The following SMG5 variants were observed in gnomAD, a reference collection of about 807,000 sequenced individuals.
SMG5 encodes the protein nonsense-mediated mRNA decay factor SMG5.
A neutral mutation model predicts 122.9 loss-of-function variants in SMG5; 53 were observed. The observed-to-expected ratio is 0.43, with a 90% CI of 0.35 to 0.54. The LOEUF is 0.54. SMG5 is among the 20% of genes least tolerant of loss of function. The probability of loss-of-function intolerance (pLI) is 0.01; values close to 1 mark genes in which losing one functional copy is unlikely to be tolerated. For synonymous variants in SMG5, 477 were observed against 490.2 expected (o/e 0.97, Z 0.35); for missense variants, 1,153 against 1,285.6 (o/e 0.90, Z 1.58).
At chr1:156,277,391 T>G (rs1017001109) in intron 3 of SMG5, 150 bp from the exon 4 acceptor site, 13 of 883,966 alleles carry the variant, frequency 1.5e-5, no homozygotes, top group Non-Finnish European at 1.8e-5. Flanking sequence ...GCTCTAACTC[T>G]CTGATCTTTC....
At chr1:156,291,008 C>CG in the SMG5 span, 3 of 226,594 alleles carry the variant, frequency 1.3e-5, no homozygotes, top group South Asian at 8.1e-5. Context: ...GGTGTGGTGG[C>CG]CCGCATCTGT....
chr1:156,283,253 G>A (rs1323719777), upstream of SMG5, among the ~76,000 whole-genome samples: 1 of 152,218 alleles, frequency 6.6e-6, no homozygotes, highest in Non-Finnish European at 1.5e-5. Flanking sequence ...TCCTTGGAAA[G>A]GGCCGAGCAT....
At chr1:156,283,624 T>A (rs946224840), upstream of SMG5, among the ~76,000 whole-genome samples, 6 of 152,054 alleles carry the variant, frequency 3.9e-5, no homozygotes. Context: ...AAAGCAAGGG[T>A]GGTTTGTTTT....
At chr1:156,282,451 A>G (rs914380087) in intron 1 of SMG5, among the ~76,000 whole-genome samples, 156 bp downstream of exon 1, 1 of 151,872 alleles carries the variant, frequency 6.6e-6, no homozygotes, top group Admixed American at 6.6e-5. Flanking sequence ...TTCCATCCCG[A>G]GTTACTACGG....
chr1:156,270,745 C>T (rs1259456258), intron 7 of SMG5, among the ~76,000 whole-genome samples: 19 of 152,282 alleles, frequency 1.2e-4, no homozygotes, highest in African/African-American at 3.6e-4. Context: ...CGGTGGCTCA[C>T]GCCTGTAATC....
intron 4 of SMG5, among the ~76,000 whole-genome samples, chr1:156,276,410 A>T (rs544384397): frequency 6.6e-6 from 1 of 152,318 alleles, no homozygotes; most frequent in African/African-American, 2.4e-5. Context: ...TACAGGCATG[A>T]GCCACCGTGC....
intron 2 of SMG5, among the ~76,000 whole-genome samples, chr1:156,278,349 G>A (rs186648754): frequency 3.3e-5 from 5 of 150,214 alleles, no homozygotes; most frequent in East Asian, 3.9e-4. Flanking sequence ...CAGTATGGCC[G>A]ACTCCCTTGA....
intron 1 of SMG5, among the ~76,000 whole-genome samples, chr1:156,279,834 A>G (rs1201394325): frequency 6.6e-6 from 1 of 152,174 alleles, no homozygotes; most frequent in Admixed American, 6.5e-5. Context: ...TGAAGGAATT[A>G]TTTGTTGAAC....
chr1:156,264,882 C>T (rs142511385), intron 12 of SMG5, among the ~76,000 whole-genome samples: 1,877 of 152,042 alleles, frequency 0.012, 19 homozygotes, highest in Non-Finnish European at 0.022. Context: ...AAAAATTAGC[C>T]GGGCATGGTG....
upstream of SMG5, chr1:156,285,994 G>A: frequency 6.3e-7 from 1 of 1,591,092 alleles, no homozygotes; most frequent in Non-Finnish European, 8.6e-7. Context: ...GTGAGCCTGT[G>A]AGAAGAAAGG....
intron 12 of SMG5, among the ~76,000 whole-genome samples, chr1:156,263,991 C>T (rs1233740891): frequency 6.6e-6 from 1 of 152,042 alleles, no homozygotes; most frequent in South Asian, 2.1e-4. Flanking sequence ...ACTTTCAGGC[C>T]GGGCGTGGTG....
Position 156,252,956 on chromosome 1 carries a change from G to A in SMG5, c.2625C>T (p.Ala875=), listed in dbSNP as rs756016354. ...TGATGACAATGAAGCGGCCACTGGT[G>A]GCCAGTTGGCGGATGACAGGGAGAT... ...CHHLPVIRQL[A]TSGRFIVIIP... is the part of the protein sequence containing the mutation. Residue 875 remains alanine (A), a synonymous_variant, in exon 18 of 22, where the codon GCC becomes GCT. Coordinates refer to ENST00000361813, the MANE Select transcript of SMG5 (RefSeq NM_015327.3). The A allele has an allele frequency of 7.4e-6, 12 of 1,612,564 alleles. No individual in the cohort carries two copies. Among genetic ancestry groups the A allele is most frequent in the Non-Finnish European group, 9.3e-6 (11 of 1,179,370 alleles).
chr1:156,291,397 G>A, the SMG5 span: 2 of 1,614,018 alleles, frequency 1.2e-6, no homozygotes, highest in Non-Finnish European at 1.7e-6. Flanking sequence ...TGATCTACTG[G>A]CTGACCTTTG....
the SMG5 span, among the ~76,000 whole-genome samples, chr1:156,289,057 C>T: frequency 6.6e-6 from 1 of 152,194 alleles, no homozygotes; most frequent in Non-Finnish European, 1.5e-5. Context: ...CTCTCTTATC[C>T]AGGGTCCTTT....
intron 13 of SMG5, among the ~76,000 whole-genome samples, chr1:156,262,942 G>C (rs1310801702): frequency 1.3e-5 from 2 of 152,204 alleles, no homozygotes; most frequent in African/African-American, 2.4e-5. Flanking sequence ...CAGCCGGCTT[G>C]ACAAGAGCTC....
the SMG5 span, among the ~76,000 whole-genome samples, chr1:156,288,482 G>A: frequency 6.6e-6 from 1 of 151,852 alleles, no homozygotes; most frequent in African/African-American, 2.4e-5. Context: ...TTACAGGTGT[G>A]AGCCACCATG....
chr1:156,253,620 C>T, intron 16 of SMG5, 112 bp from the exon 17 acceptor site: 1 of 897,812 alleles, frequency 1.1e-6, no homozygotes, highest in Non-Finnish European at 1.9e-6. Flanking sequence ...TGCAAAGTCA[C>T]TCTCTAGCAC....
rs1228448008 is a variant in SMG5, at chr1:156,272,339, T to C, written c.694A>G (p.Met232Val). Residue 232 changes from methionine (M) to valine (V), a missense_variant, in exon 7 of 22, where the codon ATG (methionine) becomes GTG (valine). Coordinates refer to ENST00000361813, the MANE Select transcript of SMG5 (RefSeq NM_015327.3). ...AGSKYYNVEA[M>V]YCYLRCIQSE... Reference sequence around the variant, plus strand: ...ACTCACCAGCGCAGGTAGCAATACATGGCTTCCACATTATAGTACTTGCTG... The same window carrying C: ...ACTCACCAGCGCAGGTAGCAATACACGGCTTCCACATTATAGTACTTGCTG... The C allele has an allele frequency of 6.3e-7, 1 of 1,599,136 alleles. No homozygotes were observed. The highest frequency in any genetic ancestry group is 1.3e-5 in the African/African-American group (1 of 74,816).
chr1:156,253,041 G>A lies in SMG5; in HGVS notation c.2540C>T (p.Pro847Leu). ...GGGAGACATGGCTGACTGGGCCTTG[G>A]GCTGCTGCAGGCTGCCCTCCAGCTG... The part of the protein sequence containing the change: ...VSQLEGSLQQ[P>L]KAQSAMSPYL... The change falls in exon 18 of 22, where the codon CCC becomes CTC. Residue 847 changes from proline to leucine, a missense_variant. By Grantham distance (98) the Pro-to-Leu change is moderately conservative (BLOSUM62 -3). This residue lies in a region of SMG5 where 140 missense variants were observed against 227.8 expected (regional missense o/e 0.61). Transcript: ENST00000361813. 1.2e-6 allele frequency: 2 copies of A among 1,611,300 alleles called. No homozygotes were observed. Among genetic ancestry groups the A allele is most frequent in the Non-Finnish European group, 1.7e-6 (2 of 1,178,836 alleles).
Sources: allele counts gnomAD v4.1 joint callset (sites outside exome capture counted in the v4.1 genomes callset), GRCh38; gene constraint gnomAD v4.1.1; regional missense constraint gnomAD v4.1.1; transcripts MANE v1.5; gene names NCBI Gene and HGNC (gene_info 2026-07-23, HGNC 2026-07-21).